Variants in STXBP5L observed in about 807,000 individuals in gnomAD.
STXBP5L encodes syntaxin binding protein 5L.
In STXBP5L, 65 loss-of-function variants were observed where a neutral mutation model predicts 144.5. That is an observed-to-expected ratio of 0.45 (90% CI 0.37 to 0.55). The LOEUF (loss-of-function observed/expected upper bound fraction) is 0.55, where lower values mean the gene tolerates loss of function less well. STXBP5L is among the 20% of genes least tolerant of loss of function. STXBP5L has a pLI of 0.00. For synonymous variants in STXBP5L, 505 were observed against 469.6 expected (o/e 1.08, Z -0.97); for missense variants, 1,298 against 1,405.5 (o/e 0.92, Z 1.22).
intron 18 of STXBP5L, among the ~76,000 whole-genome samples, chr3:121,272,098 C>T (rs927396740): frequency 5.9e-5 from 9 of 152,160 alleles, no homozygotes; most frequent in African/African-American, 1.9e-4. Flanking sequence ...GTGTATTCTT[C>T]TGCTGTTGAA....
chr3:121,014,853 A>T (rs536303252), intron 3 of STXBP5L, among the ~76,000 whole-genome samples: 3 of 152,210 alleles, frequency 2.0e-5, no homozygotes, highest in African/African-American at 7.2e-5. Context: ...ACAAATATTT[A>T]ATAATTATAT....
At chr3:121,151,278 G>A (rs1474458678) in intron 7 of STXBP5L, among the ~76,000 whole-genome samples, 1 of 151,950 alleles carries the variant, frequency 6.6e-6, no homozygotes. Flanking sequence ...AGTCATATAT[G>A]CCATTTACTT....
chr3:121,071,744 C>G (rs765649921), intron 5 of STXBP5L, among the ~76,000 whole-genome samples: 29 of 152,302 alleles, frequency 1.9e-4, no homozygotes, highest in Admixed American at 1.3e-3. Context: ...CTTACTCACC[C>G]TTATATTTCC....
intron 9 of STXBP5L, among the ~76,000 whole-genome samples, chr3:121,200,770 C>T (rs946281538): frequency 6.6e-6 from 1 of 152,298 alleles, no homozygotes; most frequent in Non-Finnish European, 1.5e-5. Flanking sequence ...GCAGGTTACT[C>T]AATTTCCATT....
intron 5 of STXBP5L, among the ~76,000 whole-genome samples, chr3:121,057,823 A>G (rs1948566369): frequency 6.6e-6 from 1 of 151,936 alleles, no homozygotes; most frequent in African/African-American, 2.4e-5. Flanking sequence ...AAATTTTTAA[A>G]TTCTTTTTAT....
chr3:121,177,815 A>G (rs952104069), intron 9 of STXBP5L, among the ~76,000 whole-genome samples: 2 of 152,198 alleles, frequency 1.3e-5, no homozygotes, highest in African/African-American at 4.8e-5. Context: ...GACTTGAGAT[A>G]TGTGTATACT....
At chr3:121,296,339 G>A (rs1333024613) in intron 19 of STXBP5L, among the ~76,000 whole-genome samples, 2 of 152,074 alleles carry the variant, frequency 1.3e-5, no homozygotes, top group East Asian at 1.9e-4. Context: ...AACTTAACTG[G>A]TTTCCATTCC....
chr3:121,117,387 C>A (rs767307769), intron 6 of STXBP5L, among the ~76,000 whole-genome samples: 1 of 151,626 alleles, frequency 6.6e-6, no homozygotes, highest in Admixed American at 6.6e-5. Flanking sequence ...TCATTTAGAC[C>A]GGATTTCCAA....
intron 3 of STXBP5L, among the ~76,000 whole-genome samples, chr3:120,997,659 T>C (rs1943455796): frequency 6.6e-6 from 1 of 152,170 alleles, no homozygotes. Flanking sequence ...TTTTAAGCTT[T>C]TGTAGTCTGG....
At chr3:121,076,866 A>T (rs1347186201) in intron 5 of STXBP5L, among the ~76,000 whole-genome samples, 1 of 152,116 alleles carries the variant, frequency 6.6e-6, no homozygotes, top group Admixed American at 6.5e-5. Flanking sequence ...TGGATCCACC[A>T]GACTGGGTCC....
chr3:121,100,339 C>T (rs2043352525), intron 5 of STXBP5L, among the ~76,000 whole-genome samples: 1 of 152,146 alleles, frequency 6.6e-6, no homozygotes, highest in African/African-American at 2.4e-5. Context: ...AACTTGACCA[C>T]ATCCTGGTCC....
intron 5 of STXBP5L, among the ~76,000 whole-genome samples, chr3:121,071,573 G>T (rs1317232258): frequency 1.3e-5 from 2 of 152,184 alleles, no homozygotes; most frequent in Admixed American, 1.3e-4. Context: ...ATGAACCCAA[G>T]GTATGATACC....
At chr3:121,226,620 G>A (rs756510251) in intron 11 of STXBP5L, among the ~76,000 whole-genome samples, 2 of 152,128 alleles carry the variant, frequency 1.3e-5, no homozygotes, top group Non-Finnish European at 2.9e-5. Flanking sequence ...GGGAAAGAGG[G>A]CTAGGGGACT....
chr3:121,095,413 T>C (rs2043064691), intron 5 of STXBP5L, among the ~76,000 whole-genome samples: 1 of 152,216 alleles, frequency 6.6e-6, no homozygotes, highest in Non-Finnish European at 1.5e-5. Flanking sequence ...CCCGTCACTT[T>C]CAGTTACACC....
At chr3:121,186,342 G>C (rs916651559) in intron 9 of STXBP5L, among the ~76,000 whole-genome samples, 2 of 152,170 alleles carry the variant, frequency 1.3e-5, no homozygotes, top group Non-Finnish European at 2.9e-5. Context: ...TGTTGAATAG[G>C]AGTGGTGAGA....
At chr3:121,223,211 G>A in intron 11 of STXBP5L, 54 bp downstream of exon 11, 1 of 1,519,344 alleles carries the variant, frequency 6.6e-7, no homozygotes, top group Non-Finnish European at 8.8e-7. Context: ...GAAATGACAA[G>A]TTTCTAACAA....
chr3:121,362,019 G>A (rs1269035027), intron 20 of STXBP5L, among the ~76,000 whole-genome samples: 1 of 152,224 alleles, frequency 6.6e-6, no homozygotes, highest in Non-Finnish European at 1.5e-5. Flanking sequence ...AAGCCCAGTA[G>A]TGCTATAGTT....
chr3:121,339,706 TA>T (rs1160425029), intron 20 of STXBP5L, among the ~76,000 whole-genome samples: 1 of 151,726 alleles, frequency 6.6e-6, no homozygotes, highest in African/African-American at 2.4e-5. Flanking sequence ...ATGAATTCAG[TA>T]AAGTCTCAGG....
At chr3:121,359,669 ATCCAGTTTCCCCAGTGCCATTTATTGAAG>A (rs1375510838) in intron 20 of STXBP5L, among the ~76,000 whole-genome samples, 1 of 152,052 alleles carries the variant, frequency 6.6e-6, no homozygotes, top group Non-Finnish European at 1.5e-5. Flanking sequence ...GCACAGGGAT[ATCCAGTTTCCCCAGTGCCATTTATTGAAG>A]ATGCTGTCTT....
Sources: gnomAD v4.1 joint callset for allele counts (sites outside exome capture counted in the v4.1 genomes callset) on GRCh38, gnomAD v4.1.1 for gene constraint, MANE v1.5 for transcripts, NCBI Gene and HGNC (gene_info 2026-07-23, HGNC 2026-07-21) for gene names.